The following VPS37A variants were observed in gnomAD, a reference collection of about 807,000 sequenced individuals.
The protein encoded by VPS37A is VPS37A subunit of ESCRT-I, also known as vacuolar protein sorting-associated protein 37A.
A neutral mutation model predicts 49.8 loss-of-function variants in VPS37A; 30 were observed. That is an observed-to-expected ratio of 0.60 (90% CI 0.45 to 0.82). VPS37A has a LOEUF of 0.82. Among genes scored for constraint, VPS37A ranks in the 40% least tolerant of loss-of-function variants. The pLI, the probability that VPS37A is intolerant of heterozygous loss-of-function variation, is 0.00. For synonymous variants in VPS37A, 195 were observed against 160.6 expected, an observed-to-expected ratio of 1.21 and a Z score of -1.62; for missense variants, 593 against 464.4, an observed-to-expected ratio of 1.28 and a Z score of -2.55.
chr8:17,268,478 A>C (rs1328491280), intron 3 of VPS37A, 106 bp downstream of exon 3: 1 of 845,448 alleles, frequency 1.2e-6, no homozygotes, highest in Non-Finnish European at 1.8e-6. Context: ...TTTTGTCATG[A>C]GTACTTTTTT....
chr8:17,302,028 T>C (rs892538547), downstream of VPS37A: 47 of 1,254,222 alleles, frequency 3.7e-5, 1 homozygote, highest in Non-Finnish European at 4.8e-5. Context: ...GGGTTGTGTT[T>C]CAGGTGTTCT....
the VPS37A span, among the ~76,000 whole-genome samples, chr8:17,315,864 T>C: frequency 1.3e-5 from 2 of 152,056 alleles, no homozygotes; most frequent in Admixed American, 1.3e-4. Context: ...AGAGAAAAAA[T>C]GAGCGAGACT....
intron 10 of VPS37A, among the ~76,000 whole-genome samples, chr8:17,285,354 G>A (rs995410432): frequency 6.6e-6 from 1 of 152,102 alleles, no homozygotes; most frequent in African/African-American, 2.4e-5. Context: ...CTTGTTGAAA[G>A]AAAGAATAAC....
downstream of VPS37A, chr8:17,300,237 T>G (rs369841895): frequency 6.5e-5 from 103 of 1,589,450 alleles, no homozygotes; most frequent in South Asian, 8.0e-5. Flanking sequence ...AAGAAAGAAA[T>G]AACAATTTCA....
chr8:17,284,736 C>A (rs931419751), intron 10 of VPS37A, 120 bp downstream of exon 10: 4 of 1,229,170 alleles, frequency 3.3e-6, no homozygotes, highest in Admixed American at 6.0e-5. Flanking sequence ...TTTTTTTGTA[C>A]AATATATTTA....
the VPS37A span, among the ~76,000 whole-genome samples, chr8:17,327,675 A>T: frequency 4.6e-5 from 7 of 152,206 alleles, no homozygotes; most frequent in African/African-American, 1.7e-4. Context: ...CAAATATATT[A>T]TGTCTGTCTA....
chr8:17,289,757 G>C (rs188782854), intron 11 of VPS37A, among the ~76,000 whole-genome samples: 1 of 152,196 alleles, frequency 6.6e-6, no homozygotes, highest in Non-Finnish European at 1.5e-5. Flanking sequence ...ATGGTAGCTC[G>C]ATGGGAACAG....
chr8:17,277,786 C>T (rs971043232), intron 6 of VPS37A, among the ~76,000 whole-genome samples: 2 of 151,404 alleles, frequency 1.3e-5, no homozygotes, highest in Non-Finnish European at 2.9e-5. Flanking sequence ...ACGAGTTCCA[C>T]CTATTGCATT....
intron 1 of VPS37A, among the ~76,000 whole-genome samples, chr8:17,252,274 C>T (rs1812050238): frequency 6.6e-6 from 1 of 152,202 alleles, no homozygotes; most frequent in African/African-American, 2.4e-5. Flanking sequence ...ACCTCAGCTT[C>T]CCAAGTAGCT....
chr8:17,304,258 T>G (rs1328112649), downstream of VPS37A: 9 of 1,076,686 alleles, frequency 8.4e-6, no homozygotes, highest in South Asian at 1.6e-4. Flanking sequence ...CTCCCTCTGG[T>G]GTCTTTTGTG....
intron 5 of VPS37A, 121 bp downstream of exon 5, chr8:17,275,079 T>TC: frequency 1.1e-6 from 1 of 915,730 alleles, no homozygotes; most frequent in East Asian, 2.5e-5. Context: ...AAAGATGAAC[T>TC]CACATTTTTC....
intron 11 of VPS37A, among the ~76,000 whole-genome samples, chr8:17,291,283 G>A (rs967292077): frequency 6.6e-6 from 1 of 152,176 alleles, no homozygotes; most frequent in Non-Finnish European, 1.5e-5. Flanking sequence ...AAAGTGCTGG[G>A]ATTACAGGTG....
At chr8:17,332,248 C>A in the VPS37A span, among the ~76,000 whole-genome samples, 1 of 152,170 alleles carries the variant, frequency 6.6e-6, no homozygotes, top group East Asian at 1.9e-4. Flanking sequence ...TTTAAAAGCA[C>A]AGTGCACAAT....
chr8:17,285,652 A>C lies in VPS37A; in HGVS notation c.1114-695A>C, dbSNP rs1815519548. Reference sequence around the variant, plus strand: ...ATCATTCCCATTTTTCATGAGAGGAAATTGAAGTTCAGAGATGTTAGTGAC... The same window carrying C: ...ATCATTCCCATTTTTCATGAGAGGACATTGAAGTTCAGAGATGTTAGTGAC... On this transcript the variant is annotated intron_variant, in intron 10 of 11. Coordinates refer to ENST00000324849, the MANE Select transcript of VPS37A (RefSeq NM_152415.3). 2.0e-5 allele frequency among the ~76,000 whole-genome samples: 3 copies of C among 152,150 alleles called. No individual in the cohort carries two copies. In the South Asian group the frequency reaches 6.2e-4, roughly 32 times the overall value.
chr8:17,254,965 G>A (rs1019890082), intron 1 of VPS37A, among the ~76,000 whole-genome samples: 1 of 152,068 alleles, frequency 6.6e-6, no homozygotes, highest in African/African-American at 2.4e-5. Flanking sequence ...CGTTACTTGA[G>A]TTACCCAACA....
At chr8:17,319,112 G>A in the VPS37A span, among the ~76,000 whole-genome samples, 4 of 152,274 alleles carry the variant, frequency 2.6e-5, no homozygotes, top group Admixed American at 2.6e-4. Flanking sequence ...TAATAATCAT[G>A]ATATACGCAT....
chr8:17,285,112 A>G (rs1209688485), intron 10 of VPS37A, among the ~76,000 whole-genome samples: 1 of 152,166 alleles, frequency 6.6e-6, no homozygotes, highest in African/African-American at 2.4e-5. Context: ...ATGAGTGAAA[A>G]ACATTAGCAC....
At chr8:17,252,086 C>T (rs1186248405) in intron 1 of VPS37A, among the ~76,000 whole-genome samples, 2 of 152,226 alleles carry the variant, frequency 1.3e-5, no homozygotes, top group East Asian at 1.9e-4. Flanking sequence ...TGTTTCAACC[C>T]GTCGCATGTT....
At chr8:17,322,950 C>CTTTT in the VPS37A span, among the ~76,000 whole-genome samples, 3 of 125,762 alleles carry the variant, frequency 2.4e-5, 1 homozygote, top group Non-Finnish European at 3.2e-5. Context: ...ATTGAATTAT[C>CTTTT]TTTTTTTTTT....
Sources: gnomAD v4.1 joint callset for allele counts (sites outside exome capture counted in the v4.1 genomes callset) on GRCh38, gnomAD v4.1.1 for gene constraint, MANE v1.5 for transcripts, NCBI Gene and HGNC (gene_info 2026-07-23, HGNC 2026-07-21) for gene names.